HPD: variants seen among roughly 807,000 people sequenced by gnomAD.
The protein encoded by HPD is 4-hydroxyphenylpyruvic acid oxidase.
HPD carries 35 observed loss-of-function variants against 56.9 expected under a neutral mutation model. That is an observed-to-expected ratio of 0.62 (90% CI 0.47 to 0.82). The LOEUF is 0.82. Ranked by LOEUF, HPD falls within the 40% of genes least tolerant of loss-of-function variation. HPD has a pLI of 0.00. For missense variants in HPD, 442 were observed against 506.8 expected, an observed-to-expected ratio of 0.87 and a Z score of 1.23; for synonymous variants, 186 against 200.2, an observed-to-expected ratio of 0.93 and a Z score of 0.60.
At chr12:121,882,721 C>CT in the HPD span, among the ~76,000 whole-genome samples, 1 of 151,972 alleles carries the variant, frequency 6.6e-6, no homozygotes, top group Non-Finnish European at 1.5e-5. Flanking sequence ...ATTTCTTTTT[C>CT]TTTTTGTTTT....
intron 4 of HPD, 93 bp from the exon 5 acceptor site, chr12:121,856,718 CT>C (rs1878016229): frequency 1.7e-6 from 2 of 1,160,914 alleles, no homozygotes; most frequent in African/African-American, 3.0e-5. Context: ...CGAAACACCC[CT>C]GATGGAGCAC....
intron 7 of HPD, among the ~76,000 whole-genome samples, chr12:121,850,748 G>C (rs1470007258): frequency 7.1e-6 from 1 of 141,132 alleles, no homozygotes; most frequent in Non-Finnish European, 1.5e-5. Context: ...GGCCAGGCTA[G>C]AGTGTAGTGG....
At position 121,857,913 on chromosome 12, in the gene HPD, C is replaced by G; in HGVS notation, c.31-94G>C. ...TGTCCCCTAGCCACCCTCCTTATTC[C>G]AGCCTCAACCACAGAACTTAGGAGC... On this transcript the variant is annotated intron_variant, in intron 2 of 13. Coordinates refer to ENST00000289004, the MANE Select transcript of HPD (RefSeq NM_002150.3). 1.1e-5 allele frequency: 10 copies of G among 909,764 alleles called. 1 individual carries two copies. In the South Asian group the frequency reaches 1.4e-4, roughly 13 times the overall value. The allele number at this position is 909,764 out of a possible 1,614,324, so 56.4% of individuals were successfully genotyped here. A position where few individuals can be genotyped will look rare whatever the true frequency, so the allele number is the denominator to read the frequency against.
chr12:121,868,169 G>T (rs1351084574), upstream of HPD, among the ~76,000 whole-genome samples: 1 of 152,092 alleles, frequency 6.6e-6, no homozygotes. Context: ...GTGACACAGC[G>T]AGACCCTGTT....
At chr12:121,866,426 G>A (rs1878331252), upstream of HPD, among the ~76,000 whole-genome samples, 1 of 146,588 alleles carries the variant, frequency 6.8e-6, no homozygotes, top group African/African-American at 2.6e-5. Flanking sequence ...TACCATTTGT[G>A]TAAAAAAAAA....
intron 7 of HPD, among the ~76,000 whole-genome samples, 192 bp downstream of exon 7, chr12:121,854,511 A>T (rs1007675840): frequency 2.0e-5 from 3 of 152,118 alleles, no homozygotes; most frequent in East Asian, 3.9e-4. Context: ...GAGGAAGGGA[A>T]GCCTGGGAGG....
the HPD span, among the ~76,000 whole-genome samples, chr12:121,886,090 T>C: frequency 6.6e-6 from 1 of 150,602 alleles, no homozygotes; most frequent in Admixed American, 6.6e-5. Flanking sequence ...CCACCGCACC[T>C]GGCCACATAT....
chr12:121,849,648 C>T, intron 8 of HPD, 39 bp downstream of exon 8: 1 of 1,351,454 alleles, frequency 7.4e-7, no homozygotes, highest in Non-Finnish European at 1.1e-6. Flanking sequence ...CACAGTCCCT[C>T]AGGGCTTTCC....
At chr12:121,850,664 AT>A (rs1330265856) in intron 7 of HPD, among the ~76,000 whole-genome samples, 1 of 129,000 alleles carries the variant, frequency 7.8e-6, no homozygotes, top group Non-Finnish European at 1.6e-5. Context: ...AAGTGCCGGG[AT>A]TACAGGCATG....
upstream of HPD, chr12:121,858,993 C>T (rs1347711243): frequency 2.2e-5 from 16 of 718,424 alleles, no homozygotes; most frequent in African/African-American, 8.7e-5. Context: ...CTGATCCAGC[C>T]GCAGCCTCAT....
chr12:121,857,689 G>GCCTGCCCTTGTCAGGCAGCCCTCTGC, intron 3 of HPD, 68 bp downstream of exon 3: 1 of 1,350,398 alleles, frequency 7.4e-7, no homozygotes, highest in Non-Finnish European at 1.1e-6. Context: ...CCTGCTGGAG[G>GCCTGCCCTTGTCAGGCAGCCCTCTGC]CCTGCCCTTG....
At chr12:121,864,073 C>CAAAAAAAAAA (rs748278452), upstream of HPD, among the ~76,000 whole-genome samples, 135 of 70,306 alleles carry the variant, frequency 1.9e-3, no homozygotes, top group Non-Finnish European at 2.8e-3. Flanking sequence ...ACTAAAAATA[C>CAAAAAAAAAA]AAAAAAAAAA....
At chr12:121,847,934 A>G (rs1463072310) in intron 9 of HPD, among the ~76,000 whole-genome samples, 1 of 152,138 alleles carries the variant, frequency 6.6e-6, no homozygotes, top group Non-Finnish European at 1.5e-5. Flanking sequence ...AAGTACTAAG[A>G]TTCCAAATAT....
intron 8 of HPD, among the ~76,000 whole-genome samples, chr12:121,849,296 C>T (rs1311660179): frequency 6.6e-6 from 1 of 151,948 alleles, no homozygotes; most frequent in African/African-American, 2.4e-5. Flanking sequence ...TCCCAAAGTG[C>T]TGGGATTATA....
chr12:121,845,403 T>C (rs576422801), intron 11 of HPD, among the ~76,000 whole-genome samples: 46 of 149,346 alleles, frequency 3.1e-4, no homozygotes, highest in Middle Eastern at 3.4e-3. Flanking sequence ...GAGACCATCC[T>C]GGCTAACACA....
At chr12:121,870,692 G>A in the HPD span, among the ~76,000 whole-genome samples, 2 of 150,346 alleles carry the variant, frequency 1.3e-5, no homozygotes, top group Non-Finnish European at 3.0e-5. Context: ...TGCCTCCTGG[G>A]TTCAAGCGAT....
At chr12:121,872,106 G>T in the HPD span, among the ~76,000 whole-genome samples, 1 of 150,212 alleles carries the variant, frequency 6.7e-6, no homozygotes, top group Admixed American at 6.6e-5. Flanking sequence ...TGGGCGTGGT[G>T]GTGGGCACCT....
the HPD span, among the ~76,000 whole-genome samples, chr12:121,871,754 AC>A: frequency 1.3e-5 from 2 of 151,596 alleles, no homozygotes; most frequent in Non-Finnish European, 2.9e-5. Flanking sequence ...GGGACATAGG[AC>A]CCCTGGGCTC....
At chr12:121,864,654 C>T (rs1358488763), upstream of HPD, among the ~76,000 whole-genome samples, 2 of 151,470 alleles carry the variant, frequency 1.3e-5, no homozygotes, top group Non-Finnish European at 2.9e-5. Flanking sequence ...GAGATCGAGA[C>T]CATCCTGGCT....
Sources: allele counts gnomAD v4.1 joint callset (sites outside exome capture counted in the v4.1 genomes callset), GRCh38; gene constraint gnomAD v4.1.1; transcripts MANE v1.5; gene names NCBI Gene and HGNC (gene_info 2026-07-23, HGNC 2026-07-21).